TRPS1: variants seen among roughly 807,000 people sequenced by gnomAD.
The protein encoded by TRPS1 is zinc finger transcription factor Trps1.
A neutral mutation model predicts 101.2 loss-of-function variants in TRPS1; 6 were observed. That is an observed-to-expected ratio of 0.06 (90% CI 0.03 to 0.12). The LOEUF is 0.12. Among genes scored for constraint, TRPS1 ranks in the 10% least tolerant of loss-of-function variants. TRPS1 has a pLI of 1.00. For missense variants in TRPS1, 1,363 were observed against 1,567.0 expected, an observed-to-expected ratio of 0.87 and a Z score of 2.20; for synonymous variants, 578 against 589.8, an observed-to-expected ratio of 0.98 and a Z score of 0.29.
At position 115,557,909 on chromosome 8, in the gene TRPS1, G is replaced by A. The variant is rs534338512; in HGVS notation, c.2700+29092C>T. 6.1e-4 allele frequency among the ~76,000 whole-genome samples: 92 copies of A among 152,028 alleles called. 1 individual carries two copies. Among genetic ancestry groups the A allele is most frequent in the Non-Finnish European group, 1.1e-3 (75 of 67,984 alleles). On this transcript the variant is annotated intron_variant, in intron 5 of 6. Transcript: ENST00000395715. ...TTAGGGAAGAGTAATATATTCTAGC[G>A]AATTTTTTGCTTGTCACTGACAGTA...
chr8:115,659,027 G>A (rs368854157), intron 1 of TRPS1, among the ~76,000 whole-genome samples: 1 of 151,922 alleles, frequency 6.6e-6, no homozygotes, highest in African/African-American at 2.4e-5. Flanking sequence ...TCTTAAAAAC[G>A]GGACTTTAAA....
At chr8:115,431,720 A>C (rs1313317859) in intron 5 of TRPS1, among the ~76,000 whole-genome samples, 1 of 151,902 alleles carries the variant, frequency 6.6e-6, no homozygotes, top group Non-Finnish European at 1.5e-5. Flanking sequence ...CTTCTTTCAT[A>C]TAGTGTAGCC....
At chr8:115,535,984 G>A (rs1816309966) in intron 5 of TRPS1, among the ~76,000 whole-genome samples, 1 of 151,724 alleles carries the variant, frequency 6.6e-6, no homozygotes, top group African/African-American at 2.4e-5. Context: ...ACTCAAGAAA[G>A]CTACCATTTT....
intron 4 of TRPS1, among the ~76,000 whole-genome samples, chr8:115,600,918 T>G (rs1817893330): frequency 6.6e-6 from 1 of 152,140 alleles, no homozygotes; most frequent in Non-Finnish European, 1.5e-5. Context: ...AGTTATAGTC[T>G]GAGTTAGGGG....
Position 115,412,866 on chromosome 8 carries a change from C to T in TRPS1, c.*1157G>A, listed in dbSNP as rs145622918. 137 of 152,672 alleles carry T rather than the reference C, an allele frequency of 9.0e-4. 1 individual carries two copies. The highest frequency in any genetic ancestry group is 1.4e-3 in the Admixed American group (21 of 15,284). The allele number at this position is 152,672 out of a possible 1,614,324, so 9.5% of individuals were successfully genotyped here. A position where few individuals can be genotyped will look rare whatever the true frequency, so the allele number is the denominator to read the frequency against. Reference sequence around the variant, plus strand: ...GTATTAAAAGTTCTATGAGGACATACTTCTAAGAATCCTATTTAATGCTAC... The same window carrying T: ...GTATTAAAAGTTCTATGAGGACATATTTCTAAGAATCCTATTTAATGCTAC... On this transcript the variant is annotated 3_prime_UTR_variant, in exon 7 of 7. Coordinates refer to ENST00000395715, the MANE Select transcript of TRPS1 (RefSeq NM_014112.5).
At chr8:115,582,983 T>C (rs1348149654) in intron 5 of TRPS1, among the ~76,000 whole-genome samples, 1 of 152,158 alleles carries the variant, frequency 6.6e-6, no homozygotes, top group Non-Finnish European at 1.5e-5. Flanking sequence ...GAGCTCCCCC[T>C]AAAGACTCAC....
chr8:115,554,694 G>A (rs552563249), intron 5 of TRPS1, among the ~76,000 whole-genome samples: 1 of 152,272 alleles, frequency 6.6e-6, no homozygotes, highest in Admixed American at 6.5e-5. Flanking sequence ...ATTTATCAAT[G>A]TAATAATAGA....
chr8:115,454,908 T>C (rs1813978213), intron 5 of TRPS1, among the ~76,000 whole-genome samples: 3 of 152,292 alleles, frequency 2.0e-5, no homozygotes, highest in South Asian at 2.1e-4. Context: ...CAGAGATATA[T>C]GTGAGGTCTC....
chr8:115,542,467 TA>T (rs944142625), intron 5 of TRPS1, among the ~76,000 whole-genome samples: 1 of 151,120 alleles, frequency 6.6e-6, no homozygotes. Flanking sequence ...GGGGCAGTGT[TA>T]AAAAAACTAC....
At chr8:115,589,751 A>G (rs1194402214) in intron 4 of TRPS1, among the ~76,000 whole-genome samples, 11 of 152,170 alleles carry the variant, frequency 7.2e-5, no homozygotes, top group Non-Finnish European at 1.6e-4. Flanking sequence ...AGAATACAAA[A>G]GACAATAGAC....
Position 115,418,305 on chromosome 8 carries a change from C to G in TRPS1, c.2823+25G>C, listed in dbSNP as rs1477831107. The G allele has an allele frequency of 2.5e-6, 4 of 1,614,010 alleles. No individual in the cohort carries two copies. The highest frequency in any genetic ancestry group is 3.4e-6 in the Non-Finnish European group (4 of 1,179,924). ...CCAACACTGCTTTATAAAGCTTTTCCTGAAAGAGTGGAACAAGTTCTTACC... is the reference window on the plus strand; with the variant it reads ...CCAACACTGCTTTATAAAGCTTTTCGTGAAAGAGTGGAACAAGTTCTTACC... On this transcript the variant is annotated intron_variant, in intron 6 of 6. Transcript: ENST00000395715. This position sits in a 1 kb window ranked among gnomAD's most constrained non-coding sequence, Gnocchi z 4.3.
intron 4 of TRPS1, among the ~76,000 whole-genome samples, chr8:115,598,538 T>G (rs1351429916): frequency 6.6e-6 from 1 of 152,112 alleles, no homozygotes; most frequent in Non-Finnish European, 1.5e-5. Flanking sequence ...GATCTCAAAC[T>G]TCTGGGTTCA....
At chr8:115,631,955 T>A (rs1033249283) in intron 1 of TRPS1, among the ~76,000 whole-genome samples, 2 of 151,964 alleles carry the variant, frequency 1.3e-5, no homozygotes, top group African/African-American at 4.8e-5. Flanking sequence ...TGAATTTATT[T>A]TTTAAAATGG....
intron 5 of TRPS1, among the ~76,000 whole-genome samples, chr8:115,475,554 T>A (rs1013153189): frequency 6.6e-6 from 1 of 152,042 alleles, no homozygotes; most frequent in Admixed American, 6.6e-5. Flanking sequence ...ACAATTTTTT[T>A]AAAGAAATGT....
rs1017491952 is a variant in TRPS1 at position 115,534,355 on chromosome 8, G to A, written c.2700+52646C>T. Among the ~76,000 whole-genome samples, 7 of 144,412 alleles carry A rather than the reference G, an allele frequency of 4.8e-5. 1 individual carries two copies. In the South Asian group the frequency reaches 9.2e-4, roughly 19 times the overall value. The allele number at this position is 144,412 out of a possible 152,430, so 94.7% of individuals were successfully genotyped here. On this transcript the variant is annotated intron_variant, in intron 5 of 6. Coordinates refer to ENST00000395715, the MANE Select transcript of TRPS1 (RefSeq NM_014112.5). Reference sequence around the variant, plus strand: ...CACTGGAGATTGAAGCTCTAACCCCGATACCATCACACTGGAGATTGAAGC... The same window carrying A: ...CACTGGAGATTGAAGCTCTAACCCCAATACCATCACACTGGAGATTGAAGC...
chr8:115,648,769 T>C (rs1039830129), intron 1 of TRPS1, among the ~76,000 whole-genome samples: 2 of 152,206 alleles, frequency 1.3e-5, no homozygotes, highest in Non-Finnish European at 2.9e-5. Flanking sequence ...TATAAATTAC[T>C]TAAAAATCTA....
chr8:115,451,171 G>A (rs1481958106), intron 5 of TRPS1, among the ~76,000 whole-genome samples: 1 of 152,180 alleles, frequency 6.6e-6, no homozygotes, highest in Admixed American at 6.5e-5. Flanking sequence ...GATGTGCAGT[G>A]CTCTACTTAA....
chr8:115,528,708 C>T (rs1816059318), intron 5 of TRPS1, among the ~76,000 whole-genome samples: 1 of 151,956 alleles, frequency 6.6e-6, no homozygotes, highest in Admixed American at 6.6e-5. Flanking sequence ...TAGTCTTTAA[C>T]TACTAATCAC....
At chr8:115,475,672 G>GTTTAGCAGTGCTATCTCA (rs1563757765) in intron 5 of TRPS1, among the ~76,000 whole-genome samples, 4 of 151,860 alleles carry the variant, frequency 2.6e-5, no homozygotes, top group African/African-American at 9.7e-5. Flanking sequence ...GTGCTATCTC[G>GTTTAGCAGTGCTATCTCA]TTTAGCAGTG....
Sources: allele counts gnomAD v4.1 joint callset (sites outside exome capture counted in the v4.1 genomes callset), GRCh38; gene constraint gnomAD v4.1.1; non-coding constraint Gnocchi (gnomAD v3.1); transcripts MANE v1.5; gene names NCBI Gene and HGNC (gene_info 2026-07-23, HGNC 2026-07-21).